The following SHROOM2 variants were observed in gnomAD, a reference collection of about 807,000 sequenced individuals.
The protein encoded by SHROOM2 is protein Shroom2.
A neutral mutation model predicts 75.9 loss-of-function variants in SHROOM2; 33 were observed. The observed-to-expected ratio is 0.43, with a 90% CI of 0.33 to 0.58. SHROOM2 has a LOEUF of 0.58. Ranked by LOEUF, SHROOM2 falls within the 20% of genes least tolerant of loss-of-function variation. The pLI, the probability that SHROOM2 is intolerant of heterozygous loss-of-function variation, is 0.04. For missense variants in SHROOM2, 1,434 were observed against 1,461.2 expected, an observed-to-expected ratio of 0.98 and a Z score of 0.30; for synonymous variants, 655 against 663.6, an observed-to-expected ratio of 0.99 and a Z score of 0.20.
At position 9,898,208 on chromosome X, in the gene SHROOM2, C is replaced by T. The variant is rs867423145; in HGVS notation, c.2809C>T (p.Arg937Ter). 2.5e-6 allele frequency: 3 copies of T among 1,184,393 alleles called. No individual in the cohort carries two copies. The highest frequency in any genetic ancestry group is 2.3e-6 in the Non-Finnish European group (2 of 881,464). ...HYKQEASVELRRQAGDPGEPR... is the reference protein window; with the variant it reads ...HYKQEASVEL Reference sequence around the variant, plus strand: ...TTTGCAGGAAGCTTCTGTCGAACTGCGAAGGCAGGCAGGGGACCCCGGCGA... The same window carrying T: ...TTTGCAGGAAGCTTCTGTCGAACTGTGAAGGCAGGCAGGGGACCCCGGCGA... Residue 937 changes from arginine (R) to a stop codon, truncating the protein, a stop_gained, in exon 5 of 10, where the codon CGA becomes TGA. Transcript: ENST00000380913. LOFTEE classifies it high-confidence loss of function.
chrX:9,850,668 C>T (rs1046474094), intron 1 of SHROOM2, among the ~76,000 whole-genome samples: 4 of 109,837 alleles, frequency 3.6e-5, no homozygotes, highest in Non-Finnish European at 5.7e-5. Context: ...AGTGAGATCT[C>T]GTCTCTGCAA....
chrX:9,932,692 C>T lies in SHROOM2; in HGVS notation c.3409C>T (p.Gln1137Ter). The T allele has an allele frequency of 8.3e-7, 1 of 1,211,725 alleles. No homozygotes were observed. The highest frequency in any genetic ancestry group is 1.1e-6 in the Non-Finnish European group (1 of 895,505). The change falls in exon 6 of 10, where the codon CAG (glutamine) becomes TAG (stop). Residue 1137 changes from glutamine to a stop codon, truncating the protein, a stop_gained. Transcript: ENST00000380913. LOFTEE classifies it high-confidence loss of function. The part of the protein sequence containing the change: ...PKATVCERGS[Q>*]HVSGDASRPL... ...GGCCACTGTCTGTGAGCGTGGAAGC[C>T]AGCATGTGAGCGGGGACGCATCACG...
chrX:9,939,812 A>C (rs952920543), intron 8 of SHROOM2, among the ~76,000 whole-genome samples: 3 of 111,151 alleles, frequency 2.7e-5, no homozygotes, highest in African/African-American at 9.8e-5. Flanking sequence ...TTTGAGATAG[A>C]GTCTCCCTCT....
chrX:9,813,888 G>A (rs1474303933), intron 1 of SHROOM2, among the ~76,000 whole-genome samples: 1 of 111,952 alleles, frequency 8.9e-6, no homozygotes, highest in Non-Finnish European at 1.9e-5. Context: ...TGACGGTTGA[G>A]TGTCATCACT....
At chrX:9,904,400 C>T (rs1005192602) in intron 5 of SHROOM2, among the ~76,000 whole-genome samples, 1 of 111,857 alleles carries the variant, frequency 8.9e-6, no homozygotes, top group Non-Finnish European at 1.9e-5. Flanking sequence ...TGCCAACATA[C>T]GTAGCTGTAC....
intron 1 of SHROOM2, among the ~76,000 whole-genome samples, chrX:9,832,555 C>T (rs2083921905): frequency 8.9e-6 from 1 of 111,877 alleles, no homozygotes; most frequent in South Asian, 3.7e-4. Context: ...AAACCGTTTA[C>T]CCAGTAGGCA....
At chrX:9,936,937 G>A (rs182846368) in intron 6 of SHROOM2, among the ~76,000 whole-genome samples, 197 bp from the exon 7 acceptor site, 9 of 111,471 alleles carry the variant, frequency 8.1e-5, no homozygotes, top group Middle Eastern at 4.6e-3. Flanking sequence ...GTTGGAAGGC[G>A]GAGGTAGGAG....
intron 5 of SHROOM2, among the ~76,000 whole-genome samples, chrX:9,915,384 G>A (rs749197971): frequency 1.8e-5 from 2 of 111,114 alleles, no homozygotes; most frequent in African/African-American, 3.3e-5. Flanking sequence ...TAATAGCTTC[G>A]ATATCCATTT....
At chrX:9,818,321 A>G in intron 1 of SHROOM2, 1 of 237,348 alleles carries the variant, frequency 4.2e-6, no homozygotes, top group Admixed American at 4.5e-5. Context: ...CTTCTAATAC[A>G]CCACCTCAAT....
intron 1 of SHROOM2, among the ~76,000 whole-genome samples, chrX:9,851,807 A>G (rs2084042547): frequency 9.0e-6 from 1 of 110,845 alleles, no homozygotes; most frequent in African/African-American, 3.3e-5. Context: ...AGGTTCCCTC[A>G]CATTGCCCCT....
At chrX:9,862,153 C>T (rs2084107770) in intron 1 of SHROOM2, among the ~76,000 whole-genome samples, 2 of 111,656 alleles carry the variant, frequency 1.8e-5, no homozygotes, top group African/African-American at 6.5e-5. Flanking sequence ...TTTGCTCACC[C>T]CTAATGTAAA....
chrX:9,808,063 G>A (rs1041423690), intron 1 of SHROOM2, among the ~76,000 whole-genome samples: 6 of 111,360 alleles, frequency 5.4e-5, no homozygotes, highest in African/African-American at 2.0e-4. Context: ...TGTCTCCACA[G>A]CCTGATTTCC....
At chrX:9,866,779 G>A (rs1363971399) in intron 1 of SHROOM2, among the ~76,000 whole-genome samples, 1 of 109,324 alleles carries the variant, frequency 9.1e-6, no homozygotes, top group Non-Finnish European at 1.9e-5. Context: ...GCAGGACAGC[G>A]TCCAGATTCC....
At chrX:9,934,554 G>T (rs943586077) in intron 6 of SHROOM2, among the ~76,000 whole-genome samples, 1 of 111,231 alleles carries the variant, frequency 9.0e-6, no homozygotes, top group South Asian at 3.8e-4. Context: ...TAGACTGCAC[G>T]GCTCATTAAC....
chrX:9,791,930 G>A (rs900382553), intron 1 of SHROOM2, among the ~76,000 whole-genome samples: 1 of 102,740 alleles, frequency 9.7e-6, no homozygotes, highest in African/African-American at 3.6e-5. Context: ...GCTGGAGATC[G>A]TGCCATTGCC....
At chrX:9,890,956 C>T in intron 2 of SHROOM2, 21 bp from the exon 3 acceptor site, 1 of 1,189,661 alleles carries the variant, frequency 8.4e-7, no homozygotes, top group Non-Finnish European at 1.1e-6. Flanking sequence ...GACCCCCCGC[C>T]TCCCCTGCGT....
Position 9,895,887 on chromosome X carries a change from C to T in SHROOM2, c.1979C>T (p.Thr660Ile), listed in dbSNP as rs1245974057. The T allele has an allele frequency of 1.7e-6, 2 of 1,200,489 alleles. No individual in the cohort carries two copies. Among genetic ancestry groups the T allele is most frequent in the Non-Finnish European group, 1.1e-6 (1 of 890,199 alleles). ...GCAGCAGGGGAGGCGGAGGATGGCA[C>T]CGGCCGCTGGAGGGCCGGGTTGGGA... ...LTAAGEAEDG[T>I]GRWRAGLGGG... Residue 660 changes from threonine (T) to isoleucine (I), a missense_variant, in exon 4 of 10, where the codon ACC (threonine) becomes ATC (isoleucine). This residue lies in a region of SHROOM2 where 1,340 missense variants were observed against 1,338.3 expected (regional missense o/e 1.00). Transcript: ENST00000380913.
At chrX:9,788,009 CAG>C (rs1160469359) in intron 1 of SHROOM2, among the ~76,000 whole-genome samples, 11 of 93,014 alleles carry the variant, frequency 1.2e-4, no homozygotes, top group African/African-American at 4.7e-4. Flanking sequence ...TTTTTTGAGA[CAG>C]GGTCTTGTTC....
intron 9 of SHROOM2, among the ~76,000 whole-genome samples, chrX:9,945,645 C>T (rs761759568): frequency 9.0e-6 from 1 of 111,586 alleles, no homozygotes; most frequent in Non-Finnish European, 1.9e-5. Context: ...TGCCTGCTGA[C>T]GATCGTAAGT....
Sources: gnomAD v4.1 joint callset for allele counts (sites outside exome capture counted in the v4.1 genomes callset) on GRCh38, gnomAD v4.1.1 for gene constraint, gnomAD v4.1.1 regional missense constraint, MANE v1.5 for transcripts, NCBI Gene and HGNC (gene_info 2026-07-23, HGNC 2026-07-21) for gene names.